The following DAPL1 variants were observed in gnomAD, a reference collection of about 807,000 sequenced individuals.
DAPL1 encodes death associated protein like 1, also known as death-associated protein-like 1.
DAPL1 carries 17 observed loss-of-function variants against 12.9 expected under a neutral mutation model. That is an observed-to-expected ratio of 1.32 (90% CI 0.90 to 1.98). The LOEUF (loss-of-function observed/expected upper bound fraction) is 1.98, where lower values mean the gene tolerates loss of function less well. Among genes scored for constraint, DAPL1 ranks in the 30% most tolerant of loss-of-function variants. The pLI is 0.00. For synonymous variants in DAPL1, 51 were observed against 42.0 expected, an observed-to-expected ratio of 1.21 and a Z score of -0.82; for missense variants, 157 against 125.7, an observed-to-expected ratio of 1.25 and a Z score of -1.19.
At chr2:158,795,858 A>G (rs2059131773) in intron 1 of DAPL1, among the ~76,000 whole-genome samples, 1 of 152,220 alleles carries the variant, frequency 6.6e-6, no homozygotes, top group Admixed American at 6.5e-5. Context: ...ATGCCTGTGC[A>G]TCATGTGACT....
intron 1 of DAPL1, 105 bp downstream of exon 1, chr2:158,795,535 A>T: frequency 4.5e-6 from 5 of 1,100,104 alleles, no homozygotes; most frequent in Non-Finnish European, 5.4e-6. Context: ...CTGTCTACCC[A>T]GTATGACTTT....
intron 1 of DAPL1, among the ~76,000 whole-genome samples, chr2:158,798,863 A>G (rs2059149798): frequency 6.6e-6 from 1 of 152,174 alleles, no homozygotes; most frequent in Non-Finnish European, 1.5e-5. Context: ...TCTCATTCAC[A>G]AGGCAGAGTT....
At chr2:158,798,351 C>T (rs972424119) in intron 1 of DAPL1, among the ~76,000 whole-genome samples, 2 of 152,196 alleles carry the variant, frequency 1.3e-5, no homozygotes, top group Non-Finnish European at 2.9e-5. Flanking sequence ...CTCACACACT[C>T]CAAAGGCTTG....
At chr2:158,804,628 G>C (rs190511037) in intron 2 of DAPL1, among the ~76,000 whole-genome samples, 2 of 152,140 alleles carry the variant, frequency 1.3e-5, no homozygotes, top group Non-Finnish European at 2.9e-5. Context: ...CCAGCCCAGC[G>C]GCCTTGCACT....
intron 1 of DAPL1, 37 bp downstream of exon 1, chr2:158,795,467 G>A: frequency 6.5e-7 from 1 of 1,545,974 alleles, no homozygotes. Context: ...GCAGGCTGTT[G>A]CTGCTCCCCT....
At chr2:158,813,055 A>G (rs2059240134) in intron 3 of DAPL1, among the ~76,000 whole-genome samples, 1 of 152,182 alleles carries the variant, frequency 6.6e-6, no homozygotes, top group South Asian at 2.1e-4. Context: ...TAACCTTACA[A>G]AAGAAAGAAA....
intron 3 of DAPL1, among the ~76,000 whole-genome samples, chr2:158,813,680 A>G (rs1047274888): frequency 6.7e-6 from 1 of 150,322 alleles, no homozygotes; most frequent in African/African-American, 2.5e-5. Context: ...CTCAGCCTCC[A>G]GAGTAGCTGG....
At position 158,795,401 on chromosome 2, in the gene DAPL1, C is replaced by G. The variant is rs2059129337; in HGVS notation, c.29C>G (p.Ser10Cys). The G allele has an allele frequency of 6.4e-7, 1 of 1,556,016 alleles. No homozygotes were observed. ...GCAAATGAAGTGCAAGACCTGCTCT[C>G]CCCTCGGAAAGGGGGACATCCTCCT... is the stretch of plus-strand genomic sequence containing the variant. MANEVQDLL[S>C]PRKGGHPPAV... is the part of the protein sequence containing the mutation. Residue 10 changes from serine (S) to cysteine (C), a missense_variant, in exon 1 of 4, where the codon TCC (serine) becomes TGC (cysteine). By Grantham distance (112) the Ser-to-Cys change is moderately radical. Transcript: ENST00000309950.
intron 1 of DAPL1, among the ~76,000 whole-genome samples, chr2:158,799,760 C>T (rs6722518): frequency 0.33 from 49,773 of 151,892 alleles, 9,166 homozygotes; most frequent in East Asian, 0.79. Context: ...CTTATGCTTC[C>T]GAAATTGCTG....
intron 1 of DAPL1, among the ~76,000 whole-genome samples, chr2:158,796,030 T>A (rs1449933046): frequency 6.6e-6 from 1 of 152,194 alleles, no homozygotes; most frequent in Non-Finnish European, 1.5e-5. Context: ...GCTGTCAAGG[T>A]GTTTGCAAAG....
chr2:158,804,842 T>C (rs1229424002), intron 2 of DAPL1, among the ~76,000 whole-genome samples: 1 of 152,238 alleles, frequency 6.6e-6, no homozygotes, highest in Non-Finnish European at 1.5e-5. Context: ...GCCACTATAT[T>C]TGGCATAGCC....
chr2:158,805,811 G>A (rs2105152345), intron 2 of DAPL1, among the ~76,000 whole-genome samples: 1 of 148,900 alleles, frequency 6.7e-6, no homozygotes, highest in East Asian at 1.9e-4. Flanking sequence ...TTAAATGACA[G>A]GAATTGGACT....
chr2:158,812,115 T>C (rs2059234104), intron 3 of DAPL1, among the ~76,000 whole-genome samples: 2 of 152,226 alleles, frequency 1.3e-5, no homozygotes, highest in African/African-American at 4.8e-5. Context: ...TTTCCTGTTA[T>C]CATATTTTCA....
intron 2 of DAPL1, among the ~76,000 whole-genome samples, chr2:158,806,516 T>A (rs1402763788): frequency 1.3e-5 from 2 of 151,892 alleles, no homozygotes; most frequent in African/African-American, 4.8e-5. Flanking sequence ...TGTTTCTGTA[T>A]GTATATCATA....
At chr2:158,796,263 A>G (rs2059133952) in intron 1 of DAPL1, among the ~76,000 whole-genome samples, 1 of 152,190 alleles carries the variant, frequency 6.6e-6, no homozygotes, top group Non-Finnish European at 1.5e-5. Context: ...CCATTTACAA[A>G]AACATATTTA....
chr2:158,796,768 G>A (rs554761799), intron 1 of DAPL1, among the ~76,000 whole-genome samples: 7 of 152,170 alleles, frequency 4.6e-5, no homozygotes, highest in South Asian at 4.2e-4. Context: ...TGAAACCACC[G>A]GGAACTTTCT....
chr2:158,803,338 CAGTTGACA>C (rs2059179665), intron 1 of DAPL1, among the ~76,000 whole-genome samples: 1 of 152,196 alleles, frequency 6.6e-6, no homozygotes, highest in Non-Finnish European at 1.5e-5. Flanking sequence ...ATGATGAAGT[CAGTTGACA>C]AGGGCACAGA....
rs768262613 is a variant in DAPL1, at chr2:158,804,370, G to A, written c.146+1G>A. 2 of 1,602,526 alleles carry A rather than the reference G, an allele frequency of 1.2e-6. No individual in the cohort carries two copies. Among genetic ancestry groups the A allele is most frequent in the Non-Finnish European group, 1.7e-6 (2 of 1,173,036 alleles). On this transcript the variant is annotated splice_donor_variant, in intron 2 of 3. Coordinates refer to ENST00000309950, the MANE Select transcript of DAPL1 (RefSeq NM_001017920.3). LOFTEE classifies it high-confidence loss of function. ...AAAAAACAGGATTCGAGAAAACAAG[G>A]TAGGGACTCTTAATTTTTCTCCATC...
At chr2:158,813,763 G>A (rs1307053148) in intron 3 of DAPL1, among the ~76,000 whole-genome samples, 3 of 152,048 alleles carry the variant, frequency 2.0e-5, no homozygotes, top group Non-Finnish European at 4.4e-5. Context: ...CACCGTGTTA[G>A]CCAGGATGGT....
Sources: gnomAD v4.1 joint callset for allele counts (sites outside exome capture counted in the v4.1 genomes callset) on GRCh38, gnomAD v4.1.1 for gene constraint, MANE v1.5 for transcripts, NCBI Gene and HGNC (gene_info 2026-07-23, HGNC 2026-07-21) for gene names.